Variants in SEPTIN12 observed in about 807,000 individuals in gnomAD.
The protein encoded by SEPTIN12 is septin 12.
SEPTIN12 carries 42 observed loss-of-function variants against 37.7 expected under a neutral mutation model. The ratio of observed to expected loss-of-function variants is 1.11; its 90% confidence interval spans 0.87 to 1.44. The LOEUF is 1.44. Among genes scored for constraint, SEPTIN12 ranks in the 40% most tolerant of loss-of-function variants. The pLI is 0.00. For missense variants in SEPTIN12, 613 were observed against 479.2 expected (o/e 1.28, Z -2.61); for synonymous variants, 254 against 196.7 (o/e 1.29, Z -2.44).
At chr16:4,778,973 A>G (rs1418677222) in intron 8 of SEPTIN12, among the ~76,000 whole-genome samples, 1 of 151,436 alleles carries the variant, frequency 6.6e-6, no homozygotes, top group East Asian at 1.9e-4. Context: ...CCCGTCTCTC[A>G]TAAACATACA....
rs992472553 is a variant in SEPTIN12 at position 4,782,690 on chromosome 16, A to G, written c.726+772T>C. 2.7e-5 allele frequency among the ~76,000 whole-genome samples: 4 copies of G among 147,402 alleles called. No individual in the cohort carries two copies. In the Admixed American group the frequency reaches 2.7e-4, roughly 10 times the overall value. ...GCAATCTCGGCTCACCGTAACCTCC[A>G]CCTCCAAGATTCAACCGATTCTCCT... On this transcript the variant is annotated intron_variant, in intron 7 of 9. Transcript: ENST00000268231.
chr16:4,783,183 ACAGGC>A, intron 7 of SEPTIN12: 1 of 413,920 alleles, frequency 2.4e-6, no homozygotes, highest in South Asian at 2.5e-5. Context: ...TGCTGGGATT[ACAGGC>A]GTGAGCCACT....
intron 4 of SEPTIN12, 53 bp downstream of exon 4, chr16:4,785,754 G>C: frequency 7.5e-7 from 1 of 1,336,714 alleles, no homozygotes; most frequent in Non-Finnish European, 1.1e-6. Flanking sequence ...CTCCAGCCTG[G>C]GTGACAAGAG....
chr16:4,789,323 C>T (rs1596263021), upstream of SEPTIN12, among the ~76,000 whole-genome samples: 1 of 150,770 alleles, frequency 6.6e-6, no homozygotes, highest in East Asian at 2.0e-4. Flanking sequence ...TTTCTTTTTT[C>T]CTTTTTTTCT....
intron 7 of SEPTIN12, 53 bp downstream of exon 7, chr16:4,783,409 G>T (rs142016753): frequency 0.016 from 19,969 of 1,271,900 alleles, 338 homozygotes; most frequent in South Asian, 0.056. Context: ...TGGATGGAAA[G>T]GATGTGTGGG....
At position 4,783,758 on chromosome 16, in the gene SEPTIN12, G is replaced by A. The variant is rs144897041; in HGVS notation, c.521C>T (p.Pro174Leu). Residue 174 changes from proline to leucine, a missense_variant, in exon 6 of 10, where the codon CCC (proline) becomes CTC (leucine). Coordinates refer to ENST00000268231, the MANE Select transcript of SEPTIN12 (RefSeq NM_144605.5). ...CCGCTGCAGGAACTCAATGTCCAGGGGCCGCAGGCTGCCGGAGGCAGGGCA... is the reference window on the plus strand; with the variant it reads ...CCGCTGCAGGAACTCAATGTCCAGGAGCCGCAGGCTGCCGGAGGCAGGGCA... ...FVPPTGHCLRPLDIEFLQRLC... is the reference protein window; with the variant it reads ...FVPPTGHCLRLLDIEFLQRLC... 4 of 1,613,652 alleles carry A rather than the reference G, an allele frequency of 2.5e-6. No individual in the cohort carries two copies. The highest frequency in any genetic ancestry group is 1.1e-5 in the South Asian group (1 of 91,084).
In SEPTIN12 at chr16:4,777,880, G is replaced by T; in HGVS notation, c.994C>A (p.Pro332Thr). 6.3e-7 allele frequency: 1 copy of T among 1,598,220 alleles called. No individual in the cohort carries two copies. Among genetic ancestry groups the T allele is most frequent in the Non-Finnish European group, 8.5e-7 (1 of 1,173,176 alleles). The change falls in exon 10 of 10, where the codon CCG becomes ACG. Residue 332 changes from proline (P) to threonine (T), a missense_variant. Pro to Thr is a conservative substitution (Grantham distance 38, BLOSUM62 -1). Coordinates refer to ENST00000268231, the MANE Select transcript of SEPTIN12 (RefSeq NM_144605.5). ...PRGPGWVNLAPASPGQLTTPR... is the reference protein window; with the variant it reads ...PRGPGWVNLATASPGQLTTPR... ...GTGGTCAGCTGTCCTGGGGAGGCCG[G>T]GGCCAGGTTCACCCAGCCGGGCCCG...
chr16:4,786,820 A>AT (rs1290894759), intron 2 of SEPTIN12, among the ~76,000 whole-genome samples: 1 of 151,290 alleles, frequency 6.6e-6, no homozygotes, highest in Non-Finnish European at 1.5e-5. Flanking sequence ...TAATTTTTAA[A>AT]TTTTTTTTGT....
intron 8 of SEPTIN12, 67 bp from the exon 9 acceptor site, chr16:4,778,204 C>T: frequency 2.7e-6 from 4 of 1,468,022 alleles, no homozygotes; most frequent in South Asian, 1.1e-5. Flanking sequence ...ACTGTATGCA[C>T]CACCTGACAC....
In SEPTIN12 at chr16:4,785,885, A is replaced by G; in HGVS notation, c.296T>C (p.Ile99Thr). Residue 99 changes from isoleucine (I) to threonine (T), a missense_variant, in exon 4 of 10, where the codon ATA (isoleucine) becomes ACA (threonine). Ile to Thr is a moderately conservative substitution (Grantham distance 89). Coordinates refer to ENST00000268231, the MANE Select transcript of SEPTIN12 (RefSeq NM_144605.5). Reference sequence around the variant, plus strand: ...CTTCAGCTTCACACCCTTCTCCTCTATGACTGTGGAGGGAGAGCAGAGTCG... The same window carrying G: ...CTTCAGCTTCACACCCTTCTCCTCTGTGACTGTGGAGGGAGAGCAGAGTCG... Reference protein sequence around the residue: ...TLQLHSLTHVIEEKGVKLKLT... With the variant: ...TLQLHSLTHVTEEKGVKLKLT... The G allele has an allele frequency of 6.6e-7, 1 of 1,508,988 alleles. No individual in the cohort carries two copies. The highest frequency in any genetic ancestry group is 9.0e-7 in the Non-Finnish European group (1 of 1,114,316). The allele number at this position is 1,508,988 out of a possible 1,614,324, so 93.5% of individuals were successfully genotyped here.
rs748928731 is a variant in SEPTIN12, at chr16:4,778,116, T to G, written c.845A>C (p.Glu282Ala). 39 of 1,614,074 alleles carry G rather than the reference T, an allele frequency of 2.4e-5. 1 individual carries two copies. The highest frequency in any genetic ancestry group is 3.0e-5 in the Non-Finnish European group (35 of 1,180,050). ...IIEVENMAHC[E>A]FPLLRDLLIR... is the part of the protein sequence containing the mutation. Reference sequence around the variant, plus strand: ...AAGCAGGTCTCTCAGGAGAGGAAATTCACAGTGCGCCATGTTCTCCACTGC... The same window carrying G: ...AAGCAGGTCTCTCAGGAGAGGAAATGCACAGTGCGCCATGTTCTCCACTGC... The change falls in exon 9 of 10, where the codon GAA (glutamate) becomes GCA (alanine). Residue 282 changes from glutamate to alanine, a missense_variant. Physicochemically the swap from Glu to Ala is moderately radical, Grantham distance 107. Transcript: ENST00000268231.
At chr16:4,785,269 C>T (rs1209037518) in intron 4 of SEPTIN12, among the ~76,000 whole-genome samples, 3 of 148,956 alleles carry the variant, frequency 2.0e-5, no homozygotes, top group East Asian at 2.0e-4. Flanking sequence ...AAAAATTAGC[C>T]GGAAATTGCT....
chr16:4,779,011 G>A (rs1312810650), intron 8 of SEPTIN12, among the ~76,000 whole-genome samples: 2 of 149,912 alleles, frequency 1.3e-5, no homozygotes, highest in Non-Finnish European at 3.0e-5. Flanking sequence ...GGTGGCAGGT[G>A]CCTGTAATCC....
At chr16:4,785,537 G>T (rs2082427550) in intron 4 of SEPTIN12, among the ~76,000 whole-genome samples, 1 of 151,956 alleles carries the variant, frequency 6.6e-6, no homozygotes, top group Admixed American at 6.6e-5. Context: ...ACTTTGGGAG[G>T]CCGAGGCGGG....
At chr16:4,780,006 C>T (rs559288466) in intron 7 of SEPTIN12, among the ~76,000 whole-genome samples, 19 of 151,928 alleles carry the variant, frequency 1.3e-4, no homozygotes, top group East Asian at 5.8e-4. Context: ...TTTAGGAGGC[C>T]GAGGTGGGAG....
chr16:4,779,182 A>T (rs1258328820), intron 8 of SEPTIN12, among the ~76,000 whole-genome samples: 3 of 149,452 alleles, frequency 2.0e-5, no homozygotes, highest in African/African-American at 4.9e-5. Flanking sequence ...CAGGGGCTAC[A>T]TCCTCGCTGC....
chr16:4,781,116 A>T (rs1051858998), intron 7 of SEPTIN12, among the ~76,000 whole-genome samples: 3 of 149,628 alleles, frequency 2.0e-5, no homozygotes, highest in African/African-American at 7.4e-5. Context: ...ATAATTAGCC[A>T]GGCGTGGTAT....
rs1567558259 is a variant in SEPTIN12 at position 4,779,775 on chromosome 16, A to C, written c.738T>G (p.Pro246=). 6.2e-7 allele frequency: 1 copy of C among 1,610,116 alleles called. No individual in the cohort carries two copies. Among genetic ancestry groups the C allele is most frequent in the African/African-American group, 1.3e-5 (1 of 74,920 alleles). ...CTTGGTCAGCCCCTACCACGGCAAA[A>C]GGGATTCGGTCCTGGGAAAGGAGAA... ...ILNSKLRDRI[P]FAVVGADQEH... Residue 246 remains proline (P), a synonymous_variant, in exon 8 of 10, where the codon CCT becomes CCG. Transcript: ENST00000268231.
chr16:4,784,190 A>T, intron 4 of SEPTIN12, 122 bp from the exon 5 acceptor site: 2 of 1,124,720 alleles, frequency 1.8e-6, no homozygotes, highest in South Asian at 1.4e-5. Context: ...TTGGCCCGGG[A>T]CCTGTGGGTC....
Sources: gnomAD v4.1 joint callset for allele counts (sites outside exome capture counted in the v4.1 genomes callset) on GRCh38, gnomAD v4.1.1 for gene constraint, MANE v1.5 for transcripts, NCBI Gene and HGNC (gene_info 2026-07-23, HGNC 2026-07-21) for gene names.